Variants in PDE4D observed in about 807,000 individuals in gnomAD.
PDE4D encodes phosphodiesterase 4D, also known as 3',5'-cyclic-AMP phosphodiesterase 4D.
Under a neutral mutation model 87.4 loss-of-function variants are expected in PDE4D, and 24 were observed. That is an observed-to-expected ratio of 0.27 (90% CI 0.20 to 0.39). The LOEUF is 0.39. Ranked by LOEUF, PDE4D falls within the 10% of genes least tolerant of loss-of-function variation. The pLI is 1.00. For missense variants in PDE4D, 714 were observed against 1,041.0 expected (o/e 0.69, Z 4.32); for synonymous variants, 384 against 383.2 (o/e 1.00, Z -0.02).
At chr5:60,321,025 A>T (rs1253873460) in intron 1 of PDE4D, among the ~76,000 whole-genome samples, 1 of 152,204 alleles carries the variant, frequency 6.6e-6, no homozygotes, top group Non-Finnish European at 1.5e-5. Flanking sequence ...TACCAATGAC[A>T]TTTTCCAAAA....
intron 1 of PDE4D, among the ~76,000 whole-genome samples, chr5:59,334,253 T>TG (rs1228342867): frequency 4.0e-3 from 269 of 67,990 alleles, no homozygotes; most frequent in African/African-American, 0.011. Flanking sequence ...TGGAGTTTTT[T>TG]TTTTTTTTTT....
intron 1 of PDE4D, among the ~76,000 whole-genome samples, chr5:60,496,772 T>C (rs571460895): frequency 1.3e-5 from 2 of 152,312 alleles, no homozygotes; most frequent in African/African-American, 4.8e-5. Flanking sequence ...GAGGAAACAG[T>C]TAAATAGCAA....
chr5:60,201,184 G>GA (rs1318043705), intron 1 of PDE4D, among the ~76,000 whole-genome samples: 1 of 113,790 alleles, frequency 8.8e-6, no homozygotes, highest in East Asian at 2.4e-4. Flanking sequence ...TTCTCTACTT[G>GA]AAAAACCTCC....
intron 1 of PDE4D, among the ~76,000 whole-genome samples, chr5:59,340,823 C>A (rs796470457): frequency 3.3e-5 from 5 of 152,192 alleles, no homozygotes; most frequent in African/African-American, 1.2e-4. Context: ...AATATAATGA[C>A]CTCCAGTTCC....
chr5:60,240,330 A>G (rs568154787), intron 1 of PDE4D, among the ~76,000 whole-genome samples: 5 of 152,180 alleles, frequency 3.3e-5, no homozygotes, highest in African/African-American at 1.2e-4. Context: ...CAGAAGAACC[A>G]AAAATCAGGT....
At chr5:59,132,980 T>G (rs1776494880) in intron 5 of PDE4D, among the ~76,000 whole-genome samples, 1 of 152,208 alleles carries the variant, frequency 6.6e-6, no homozygotes, top group Non-Finnish European at 1.5e-5. Context: ...GACCAGTGTA[T>G]GTCAAAGAAT....
intron 1 of PDE4D, among the ~76,000 whole-genome samples, chr5:59,679,280 C>T (rs768633936): frequency 5.9e-5 from 9 of 152,084 alleles, no homozygotes; most frequent in Non-Finnish European, 1.3e-4. Context: ...GTAACAATGG[C>T]TGAAAGAAAA....
intron 1 of PDE4D, among the ~76,000 whole-genome samples, chr5:59,682,938 G>C (rs1486373428): frequency 6.6e-6 from 1 of 152,124 alleles, no homozygotes; most frequent in African/African-American, 2.4e-5. Flanking sequence ...CAGTTTAAAG[G>C]ATATTAAAGA....
chr5:60,038,321 C>A (rs1433330222), intron 2 of PDE4D, among the ~76,000 whole-genome samples: 1 of 152,060 alleles, frequency 6.6e-6, no homozygotes, highest in Non-Finnish European at 1.5e-5. Context: ...AGGAAGGGAT[C>A]CAGTTTCAGC....
At chr5:59,067,661 T>C (rs943529981) in intron 5 of PDE4D, among the ~76,000 whole-genome samples, 3 of 152,164 alleles carry the variant, frequency 2.0e-5, no homozygotes, top group African/African-American at 7.2e-5. Context: ...GAAAAACTGA[T>C]TTCACCCAAT....
intron 1 of PDE4D, among the ~76,000 whole-genome samples, chr5:59,427,146 A>G (rs979384301): frequency 6.6e-6 from 1 of 151,898 alleles, no homozygotes; most frequent in Non-Finnish European, 1.5e-5. Flanking sequence ...ATGATCCCCA[A>G]CCACTTAAGC....
At chr5:59,701,766 A>G (rs1254529243) in intron 1 of PDE4D, among the ~76,000 whole-genome samples, 1 of 152,234 alleles carries the variant, frequency 6.6e-6, no homozygotes, top group African/African-American at 2.4e-5. Context: ...AATCTTCTTC[A>G]CAACTTCTCA....
intron 5 of PDE4D, 81 bp downstream of exon 5, chr5:59,180,514 T>C (rs1321026568): frequency 1.9e-6 from 2 of 1,030,098 alleles, no homozygotes; most frequent in Admixed American, 1.9e-5. Context: ...CAGCATGAAA[T>C]TGGTGTTGGT....
intron 2 of PDE4D, among the ~76,000 whole-genome samples, chr5:60,130,532 A>G (rs2149396623): frequency 6.6e-6 from 1 of 152,238 alleles, no homozygotes; most frequent in South Asian, 2.1e-4. Context: ...CCATCCTTTT[A>G]TTTGCTTTCC....
chr5:59,811,223 A>G (rs1768313042), intron 1 of PDE4D, among the ~76,000 whole-genome samples: 1 of 152,206 alleles, frequency 6.6e-6, no homozygotes, highest in African/African-American at 2.4e-5. Context: ...ATATTCATAA[A>G]AAGAAACATG....
At chr5:60,508,602 G>C (rs1051465928) in intron 1 of PDE4D, among the ~76,000 whole-genome samples, 8 of 152,154 alleles carry the variant, frequency 5.3e-5, no homozygotes, top group Non-Finnish European at 8.8e-5. Context: ...GTTATTTGTG[G>C]CAGTTACATT....
intron 1 of PDE4D, among the ~76,000 whole-genome samples, chr5:59,851,973 G>C (rs1198040240): frequency 6.6e-6 from 1 of 152,006 alleles, no homozygotes; most frequent in Non-Finnish European, 1.5e-5. Flanking sequence ...ACCTACAGAG[G>C]TGTGACATGT....
chr5:60,432,076 C>T (rs1035472383), intron 1 of PDE4D, among the ~76,000 whole-genome samples: 9 of 144,676 alleles, frequency 6.2e-5, no homozygotes, highest in Non-Finnish European at 9.0e-5. Context: ...GAGAGGGAGA[C>T]GGAGACCGTG....
chr5:59,749,316 A>G (rs1296392219), intron 1 of PDE4D, among the ~76,000 whole-genome samples: 2 of 152,134 alleles, frequency 1.3e-5, no homozygotes, highest in East Asian at 3.9e-4. Context: ...GCTGGAGTGC[A>G]GTGGCATGAT....
Sources: gnomAD v4.1 joint callset for allele counts (sites outside exome capture counted in the v4.1 genomes callset) on GRCh38, gnomAD v4.1.1 for gene constraint, MANE v1.5 for transcripts, NCBI Gene and HGNC (gene_info 2026-07-23, HGNC 2026-07-21) for gene names.